The following MTA3 variants were observed in gnomAD, a reference collection of about 807,000 sequenced individuals.
MTA3 encodes metastasis associated 1 family member 3, also known as metastasis-associated protein MTA3.
A neutral mutation model predicts 83.5 loss-of-function variants in MTA3; 34 were observed. The observed-to-expected ratio is 0.41, with a 90% CI of 0.31 to 0.54. The LOEUF is 0.54. Ranked by LOEUF, MTA3 falls within the 20% of genes least tolerant of loss-of-function variation. The pLI is 0.33. For missense variants in MTA3, 761 were observed against 726.4 expected (o/e 1.05, Z -0.55); for synonymous variants, 303 against 252.7 (o/e 1.20, Z -1.89).
intron 16 of MTA3, among the ~76,000 whole-genome samples, chr2:42,732,376 A>G (rs897025240): frequency 6.6e-6 from 1 of 152,236 alleles, no homozygotes; most frequent in African/African-American, 2.4e-5. Context: ...CTCTGAAGCC[A>G]CGGCCTAAGC....
At chr2:42,711,195 A>G (rs1395629878) in intron 14 of MTA3, among the ~76,000 whole-genome samples, 1 of 152,178 alleles carries the variant, frequency 6.6e-6, no homozygotes, top group Admixed American at 6.5e-5. Flanking sequence ...CTAGAAGAGA[A>G]ACCATCAGCA....
intron 16 of MTA3, among the ~76,000 whole-genome samples, chr2:42,729,094 T>TTTTTTTTTTTTTTTTTTTTTTTTTTTTTA (rs1668047972): frequency 8.4e-6 from 1 of 118,834 alleles, no homozygotes; most frequent in Non-Finnish European, 1.7e-5. Flanking sequence ...GAGTTTTTTT[T>TTTTTTTTTTTTTTTTTTTTTTTTTTTTTA]TTTTTTTTTT....
At chr2:42,731,581 T>A (rs1223151890) in intron 16 of MTA3, among the ~76,000 whole-genome samples, 6 of 152,114 alleles carry the variant, frequency 3.9e-5, no homozygotes, top group African/African-American at 1.2e-4. Flanking sequence ...CCGACCCCCA[T>A]GATTGAATTA....
chr2:42,628,748 G>T (rs1686375838), intron 4 of MTA3, among the ~76,000 whole-genome samples: 1 of 144,976 alleles, frequency 6.9e-6, no homozygotes, highest in South Asian at 2.2e-4. Flanking sequence ...CTGAGTTATT[G>T]AGTATTGACA....
At chr2:42,676,087 A>G (rs1465202124) in intron 8 of MTA3, among the ~76,000 whole-genome samples, 3 of 152,184 alleles carry the variant, frequency 2.0e-5, no homozygotes, top group South Asian at 2.1e-4. Flanking sequence ...TGGAGGTTTC[A>G]TATCTCCTGG....
chr2:42,616,421 C>T (rs199628489), intron 4 of MTA3, among the ~76,000 whole-genome samples: 4 of 139,152 alleles, frequency 2.9e-5, no homozygotes, highest in African/African-American at 5.3e-5. Context: ...GATCTCTTGT[C>T]TTTTTTTTTT....
chr2:42,574,762 G>A (rs1678865340), intron 2 of MTA3, among the ~76,000 whole-genome samples: 1 of 152,166 alleles, frequency 6.6e-6, no homozygotes, highest in East Asian at 1.9e-4. Context: ...GTCTTACTGT[G>A]TTGCCCAGGC....
intron 2 of MTA3, among the ~76,000 whole-genome samples, chr2:42,549,518 A>G (rs1484584953): frequency 9.1e-6 from 1 of 109,418 alleles, no homozygotes; most frequent in Non-Finnish European, 1.7e-5. Context: ...AATATATATG[A>G]TATAATATAT....
intron 12 of MTA3, among the ~76,000 whole-genome samples, chr2:42,706,759 T>G (rs900460105): frequency 3.9e-5 from 6 of 152,244 alleles, no homozygotes; most frequent in Non-Finnish European, 7.3e-5. Flanking sequence ...GCTTACAGTG[T>G]TCAGCTAGCT....
intron 3 of MTA3, among the ~76,000 whole-genome samples, chr2:42,606,572 C>G (rs910647438): frequency 6.9e-6 from 1 of 143,958 alleles, no homozygotes; most frequent in African/African-American, 2.6e-5. Context: ...GGCGGCCGGG[C>G]GGAGACGCTC....
intron 2 of MTA3, among the ~76,000 whole-genome samples, chr2:42,528,703 T>G (rs1194696337): frequency 2.0e-5 from 3 of 152,232 alleles, no homozygotes; most frequent in African/African-American, 7.2e-5. Context: ...TCTTCATTGA[T>G]TTCAGCCACT....
chr2:42,687,055 A>G (rs1294057028), intron 9 of MTA3, among the ~76,000 whole-genome samples: 1 of 152,032 alleles, frequency 6.6e-6, no homozygotes, highest in East Asian at 1.9e-4. Flanking sequence ...TGAACCCAGG[A>G]GGCAGAGGTT....
intron 3 of MTA3, among the ~76,000 whole-genome samples, chr2:42,603,004 A>G (rs1341904641): frequency 6.6e-6 from 1 of 152,064 alleles, no homozygotes; most frequent in Non-Finnish European, 1.5e-5. Context: ...ATCTGAAGGT[A>G]TATATTCTTG....
chr2:42,574,866 A>C (rs1398616696), intron 2 of MTA3, among the ~76,000 whole-genome samples: 1 of 152,226 alleles, frequency 6.6e-6, no homozygotes, highest in Non-Finnish European at 1.5e-5. Context: ...AAAAAAAATT[A>C]TTTAGTCTTT....
At chr2:42,499,594 A>G (rs924322568) in intron 2 of MTA3, among the ~76,000 whole-genome samples, 1 of 150,034 alleles carries the variant, frequency 6.7e-6, no homozygotes, top group African/African-American at 2.4e-5. Flanking sequence ...GTTCAAGACC[A>G]GCCTGACCAA....
At chr2:42,587,193 A>C (rs1273931681) in intron 3 of MTA3, among the ~76,000 whole-genome samples, 1 of 147,420 alleles carries the variant, frequency 6.8e-6, no homozygotes, top group Non-Finnish European at 1.5e-5. Context: ...ACTCTGTCTC[A>C]AAAAAAAAAG....
upstream of MTA3, among the ~76,000 whole-genome samples, chr2:42,563,931 C>T (rs1024120235): frequency 2.6e-5 from 4 of 151,464 alleles, no homozygotes; most frequent in African/African-American, 9.7e-5. Context: ...TTAAGCCATT[C>T]TCCCGCCTCA....
intron 16 of MTA3, among the ~76,000 whole-genome samples, chr2:42,747,234 A>T (rs1669509081): frequency 6.6e-6 from 1 of 152,044 alleles, no homozygotes; most frequent in African/African-American, 2.4e-5. Context: ...TCCTGACCTC[A>T]GGTTATCCGC....
intron 8 of MTA3, among the ~76,000 whole-genome samples, chr2:42,669,642 C>G (rs1225164510): frequency 3.3e-5 from 5 of 152,184 alleles, no homozygotes; most frequent in African/African-American, 1.2e-4. Context: ...CTACATTACA[C>G]ACACGTCTTT....
Sources: allele counts gnomAD v4.1 joint callset (sites outside exome capture counted in the v4.1 genomes callset), GRCh38; gene constraint gnomAD v4.1.1; transcripts MANE v1.5; gene names NCBI Gene and HGNC (gene_info 2026-07-23, HGNC 2026-07-21).